Variants in MMAA observed in about 807,000 individuals in gnomAD.
MMAA encodes metabolism of cobalamin associated A, also known as methylmalonic aciduria type A protein, mitochondrial.
Under a neutral mutation model 45.0 loss-of-function variants are expected in MMAA, and 41 were observed. The ratio of observed to expected loss-of-function variants is 0.91; its 90% CI spans 0.71 to 1.18. MMAA has a LOEUF of 1.18. MMAA is among the 50% of genes most tolerant of loss of function. MMAA has a pLI of 0.00. For missense variants in MMAA, 460 were observed against 495.7 expected (o/e 0.93, Z 0.68); for synonymous variants, 154 against 178.2 (o/e 0.86, Z 1.08).
At position 145,658,943 on chromosome 4, in the gene MMAA, C is replaced by A. The variant is rs1417977212; in HGVS notation, c.*3509C>A. The A allele has an allele frequency of 2.6e-5, 4 of 152,124 alleles. No homozygotes were observed. Among genetic ancestry groups the A allele is most frequent in the Non-Finnish European group, 5.9e-5 (4 of 68,016 alleles). The allele number at this position is 152,124 out of a possible 1,614,324, so 9.4% of individuals were successfully genotyped here. A position where few individuals can be genotyped will look rare whatever the true frequency, so the allele number is the denominator to read the frequency against. On this transcript the variant is annotated 3_prime_UTR_variant, in exon 7 of 7. Transcript: ENST00000649156. ...TTCCTACGCCAGACTTTATGAAACT[C>A]CTCCTAAAGTTGAATTCTTATCCAA...
In MMAA at chr4:145,655,285, C is replaced by A; in HGVS notation, c.1108C>A (p.Leu370Ile). 1 of 1,614,190 alleles carries A rather than the reference C, an allele frequency of 6.2e-7. No individual in the cohort carries two copies. Among genetic ancestry groups the A allele is most frequent in the Non-Finnish European group, 8.5e-7 (1 of 1,180,030 alleles). ...GCAACAGAAAGTTTGGATGTGGAAT[C>A]TCATTCAGGAAAGTGTGTTAGAGCA... The part of the protein sequence containing the change: ...RKQQKVWMWN[L>I]IQESVLEHFR... Residue 370 changes from leucine to isoleucine, a missense_variant, in exon 7 of 7, where the codon CTC becomes ATC. Physicochemically the swap from Leu to Ile is conservative, Grantham distance 5. Transcript: ENST00000649156.
intron 4 of MMAA, among the ~76,000 whole-genome samples, chr4:145,646,999 G>C (rs1333222191): frequency 6.6e-6 from 1 of 152,172 alleles, no homozygotes; most frequent in Non-Finnish European, 1.5e-5. Flanking sequence ...ATAAGCAGGA[G>C]AGTGAGAAAA....
intron 1 of MMAA, among the ~76,000 whole-genome samples, chr4:145,623,785 C>T (rs886195738): frequency 2.6e-5 from 4 of 152,102 alleles, no homozygotes; most frequent in African/African-American, 9.7e-5. Flanking sequence ...TAATACACTT[C>T]GATTACAGAA....
chr4:145,639,169 G>A lies in MMAA; in HGVS notation c.30G>A (p.Gln10=), dbSNP rs1398642545. 6.2e-7 allele frequency: 1 copy of A among 1,613,952 alleles called. No homozygotes were observed. Among genetic ancestry groups the A allele is most frequent in the Non-Finnish European group, 8.5e-7 (1 of 1,180,016 alleles). MPMLLPHPH[Q]HFLKGLLRAP... ...CCATGCTGCTACCACATCCTCACCA[G>A]CATTTCCTAAAAGGCCTTTTAAGAG... Residue 10 remains glutamine, a synonymous_variant, in exon 2 of 7, where the codon CAG becomes CAA. Transcript: ENST00000649156.
intron 1 of MMAA, chr4:145,624,967 C>T: frequency 2.7e-6 from 3 of 1,091,962 alleles, no homozygotes; most frequent in Admixed American, 3.5e-5. Flanking sequence ...GCTGGTTTCC[C>T]TGACAGTTGG....
chr4:145,619,861 A>G (rs1734055780), intron 1 of MMAA, among the ~76,000 whole-genome samples: 1 of 152,178 alleles, frequency 6.6e-6, no homozygotes, highest in Non-Finnish European at 1.5e-5. Flanking sequence ...TCCAGGATAT[A>G]AAAGTTGGAT....
chr4:145,656,549 A>G lies in MMAA; in HGVS notation c.*1115A>G, dbSNP rs575595640. The G allele has an allele frequency of 1.3e-5, 2 of 152,254 alleles. No individual in the cohort carries two copies. The highest frequency in any genetic ancestry group is 3.8e-4 in the East Asian group (2 of 5,196). The allele number at this position is 152,254 out of a possible 1,614,324, so 9.4% of individuals were successfully genotyped here. On this transcript the variant is annotated 3_prime_UTR_variant, in exon 7 of 7. Coordinates refer to ENST00000649156, the MANE Select transcript of MMAA (RefSeq NM_172250.3). ...AACTACAAACCTGATGTATAATTTC[A>G]GTTTTCTCTCATGGTCTTGTTACTA...
Position 145,639,286 on chromosome 4 carries a change from C to A in MMAA, c.147C>A (p.Leu49=). The A allele has an allele frequency of 1.2e-6, 2 of 1,614,116 alleles. No individual in the cohort carries two copies. The highest frequency in any genetic ancestry group is 3.3e-5 in the Admixed American group (2 of 60,018). ...CTCAGCCGTTTAATTCTCTTGGACT[C>A]CATTGTACAAAGTGGATGCTGCTGT... The part of the protein sequence containing the change: ...PCAQPFNSLG[L]HCTKWMLLSD... The change falls in exon 2 of 7, where the codon CTC becomes CTA. Residue 49 remains leucine (L), a synonymous_variant. Coordinates refer to ENST00000649156, the MANE Select transcript of MMAA (RefSeq NM_172250.3).
chr4:145,645,805 G>C lies in MMAA; in HGVS notation c.563-181G>C, dbSNP rs547164478. The stretch of plus-strand genomic sequence containing the variant: ...AGCTATAAATTATAGATTTTGAGGG[G>C]CTTGAAATGTTAAGATTAATCTGAC... On this transcript the variant is annotated intron_variant, in intron 3 of 6. Transcript: ENST00000649156. Among the ~76,000 whole-genome samples the C allele has an allele frequency of 1.2e-4, 19 of 152,240 alleles. No homozygotes were observed. The South Asian group carries it at 3.7e-3, about 30-fold the overall frequency.
At position 145,621,219 on chromosome 4, in the gene MMAA, T is replaced by G. The variant is rs1363449994; in HGVS notation, c.-66+1812T>G. 2.0e-5 allele frequency among the ~76,000 whole-genome samples: 3 copies of G among 152,312 alleles called. No homozygotes were observed. The East Asian group carries it at 5.8e-4, about 29-fold the overall frequency. ...TGTAAGTGAAGGAACTTTGAGAATATGAGAAATTACCCAGGTTCCATAGTT... is the reference window on the plus strand; with the variant it reads ...TGTAAGTGAAGGAACTTTGAGAATAGGAGAAATTACCCAGGTTCCATAGTT... On this transcript the variant is annotated intron_variant, in intron 1 of 6. Coordinates refer to ENST00000649156, the MANE Select transcript of MMAA (RefSeq NM_172250.3).
intron 4 of MMAA, among the ~76,000 whole-genome samples, chr4:145,647,991 G>A (rs1341778458): frequency 6.6e-6 from 1 of 151,130 alleles, no homozygotes; most frequent in Non-Finnish European, 1.5e-5. Context: ...CCAGTAGCTG[G>A]GACTACAGGC....
At chr4:145,629,104 T>C (rs1578871164) in intron 1 of MMAA, among the ~76,000 whole-genome samples, 1 of 152,334 alleles carries the variant, frequency 6.6e-6, no homozygotes, top group East Asian at 1.9e-4. Context: ...TGATATGATA[T>C]ATCACATTGA....
intron 1 of MMAA, chr4:145,624,972 A>G: frequency 9.4e-7 from 1 of 1,059,052 alleles, no homozygotes; most frequent in Non-Finnish European, 1.5e-6. Context: ...TTTCCCTGAC[A>G]GTTGGTACAG....
rs11721510 is a variant in MMAA, at chr4:145,650,988, G to A, written c.734-74G>A. ...GAGTATGAGTAAATGAAGTAGAATGGAAATGGTCAATGTAGTTGAGAAAGT... is the reference window on the plus strand; with the variant it reads ...GAGTATGAGTAAATGAAGTAGAATGAAAATGGTCAATGTAGTTGAGAAAGT... On this transcript the variant is annotated intron_variant, in intron 4 of 6. Transcript: ENST00000649156. 305,325 of 1,309,804 alleles carry A rather than the reference G, an allele frequency of 0.23. 39,128 individuals carry two copies. Among genetic ancestry groups the A allele is most frequent in the African/African-American group, 0.46 (32,011 of 69,234 alleles). 81.1% of individuals were successfully genotyped at this position (1,309,804 alleles called of 1,614,324 possible).
intron 2 of MMAA, among the ~76,000 whole-genome samples, chr4:145,640,867 C>T (rs891860512): frequency 2.0e-5 from 3 of 151,906 alleles, no homozygotes; most frequent in Non-Finnish European, 4.4e-5. Context: ...GTGATTTGAA[C>T]CAACCCTCGT....
chr4:145,642,293 A>G, intron 2 of MMAA, 70 bp from the exon 3 acceptor site: 1 of 1,530,838 alleles, frequency 6.5e-7, no homozygotes, highest in African/African-American at 1.4e-5. Context: ...CTAATATTTT[A>G]CTCAGTAAAA....
At chr4:145,628,558 C>T (rs1196714532) in intron 1 of MMAA, among the ~76,000 whole-genome samples, 1 of 152,204 alleles carries the variant, frequency 6.6e-6, no homozygotes, top group Non-Finnish European at 1.5e-5. Flanking sequence ...TTCTACCTCC[C>T]ACTTTCATAT....
chr4:145,645,348 C>T (rs940870496), intron 3 of MMAA, among the ~76,000 whole-genome samples: 2 of 152,134 alleles, frequency 1.3e-5, no homozygotes, highest in African/African-American at 4.8e-5. Flanking sequence ...TATGAAGGAG[C>T]AAGGACTTTT....
rs953956311 is a variant in MMAA at position 145,658,783 on chromosome 4, G to A, written c.*3349G>A. On this transcript the variant is annotated 3_prime_UTR_variant, in exon 7 of 7. Transcript: ENST00000649156. ...CCATCATAGAAGTCCTAATGCTACT[G>A]CTAAAAACTAGTAAACTACCAGTAA... 4.0e-5 allele frequency: 6 copies of A among 151,820 alleles called. No homozygotes were observed. The highest frequency in any genetic ancestry group is 1.2e-4 in the African/African-American group (5 of 41,264). The allele number at this position is 151,820 out of a possible 1,614,324, so 9.4% of individuals were successfully genotyped here.
Sources: allele counts gnomAD v4.1 joint callset (sites outside exome capture counted in the v4.1 genomes callset), GRCh38; gene constraint gnomAD v4.1.1; transcripts MANE v1.5; gene names NCBI Gene and HGNC (gene_info 2026-07-23, HGNC 2026-07-21).